The following FER variants were observed in gnomAD, a reference collection of about 807,000 sequenced individuals.
The protein encoded by FER is tyrosine-protein kinase Fer.
Under a neutral mutation model 111.0 loss-of-function variants are expected in FER, and 63 were observed. The observed-to-expected ratio is 0.57, with a 90% confidence interval of 0.46 to 0.70. The LOEUF is 0.70. FER is among the 30% of genes least tolerant of loss of function. FER has a pLI of 0.00. For missense variants in FER, 914 were observed against 954.0 expected, an observed-to-expected ratio of 0.96 and a Z score of 0.55; for synonymous variants, 327 against 313.9, an observed-to-expected ratio of 1.04 and a Z score of -0.44.
At chr5:108,931,962 T>TTGTG (rs571366890) in intron 10 of FER, among the ~76,000 whole-genome samples, 60 of 150,804 alleles carry the variant, frequency 4.0e-4, no homozygotes, top group African/African-American at 8.8e-4. Flanking sequence ...ATCTTAAATT[T>TTGTG]TGTGTGTGTG....
rs540790256 is a variant in FER, at chr5:108,832,702, A to G, written c.208-68A>G. ...TAAAACTAAATATTTAAAGTTTTGA[A>G]CTCTTAAAGCACAGCTAAATGGAAA... On this transcript the variant is annotated intron_variant, in intron 3 of 19. Transcript: ENST00000281092. 2.5e-4 allele frequency: 289 copies of G among 1,149,558 alleles called. 1 individual carries two copies. Among genetic ancestry groups the G allele is most frequent in the Admixed American group, 1.9e-3 (56 of 30,166 alleles). The allele number at this position is 1,149,558 out of a possible 1,614,324, so 71.2% of individuals were successfully genotyped here.
chr5:108,997,241 T>TTA (rs1554112110), intron 13 of FER, among the ~76,000 whole-genome samples: 8 of 133,264 alleles, frequency 6.0e-5, no homozygotes, highest in Non-Finnish European at 1.1e-4. Context: ...CCGTCTCTAC[T>TTA]AAAAAAAAAA....
chr5:109,146,868 C>T (rs1172060963), intron 17 of FER, among the ~76,000 whole-genome samples: 1 of 151,654 alleles, frequency 6.6e-6, no homozygotes, highest in African/African-American at 2.4e-5. Flanking sequence ...GGGAGAAAAT[C>T]CAAAGGAGAT....
At chr5:109,125,704 G>T (rs960544944) in intron 17 of FER, among the ~76,000 whole-genome samples, 1 of 152,220 alleles carries the variant, frequency 6.6e-6, no homozygotes, top group African/African-American at 2.4e-5. Context: ...TAAGGTAACA[G>T]AACTGGATTT....
At chr5:109,076,516 C>T (rs1776364151) in intron 16 of FER, among the ~76,000 whole-genome samples, 1 of 152,008 alleles carries the variant, frequency 6.6e-6, no homozygotes, top group Non-Finnish European at 1.5e-5. Context: ...TGCAACCTCT[C>T]CCTCCCTGGC....
At chr5:109,171,590 C>T (rs1757097644) in intron 17 of FER, among the ~76,000 whole-genome samples, 1 of 152,156 alleles carries the variant, frequency 6.6e-6, no homozygotes, top group African/African-American at 2.4e-5. Flanking sequence ...CTGTCTGTTG[C>T]TCAGGTAACT....
At chr5:109,140,972 C>T (rs1319602888) in intron 17 of FER, among the ~76,000 whole-genome samples, 2 of 152,118 alleles carry the variant, frequency 1.3e-5, no homozygotes, top group Non-Finnish European at 2.9e-5. Context: ...CACAGTAGCT[C>T]CTATTCTTCC....
chr5:109,100,489 T>A lies in FER; in HGVS notation c.2018T>A (p.Leu673Ter), dbSNP rs1351309171. 1 of 1,611,236 alleles carries A rather than the reference T, an allele frequency of 6.2e-7. No homozygotes were observed. The highest frequency in any genetic ancestry group is 1.7e-5 in the Admixed American group (1 of 59,868). Residue 673 changes from leucine (L) to a stop codon, truncating the protein, a stop_gained, in exon 17 of 20, where the codon TTG becomes TAG. Coordinates refer to ENST00000281092, the MANE Select transcript of FER (RefSeq NM_005246.4). LOFTEE classifies it high-confidence loss of function. ...TCATTAGACGCTGCTGCTGGTATGT[T>A]GTATCTCGAGAGTAAAAACTGTATA... The part of the protein sequence containing the change: ...KFSLDAAAGM[L>*]YLESKNCIHR...
At chr5:108,929,096 G>A (rs1014348234) in intron 10 of FER, among the ~76,000 whole-genome samples, 1 of 152,056 alleles carries the variant, frequency 6.6e-6, no homozygotes, top group Non-Finnish European at 1.5e-5. Context: ...TGGGAAAGAG[G>A]AAAAGTATGA....
At chr5:109,170,547 A>G (rs1177344317) in intron 17 of FER, among the ~76,000 whole-genome samples, 1 of 152,178 alleles carries the variant, frequency 6.6e-6, no homozygotes, top group Non-Finnish European at 1.5e-5. Context: ...ATACAAAGAC[A>G]TCTATGCCTC....
intron 10 of FER, among the ~76,000 whole-genome samples, chr5:108,911,600 T>A (rs2150359410): frequency 6.6e-6 from 1 of 152,286 alleles, no homozygotes; most frequent in African/African-American, 2.4e-5. Flanking sequence ...AGTTTCAGGT[T>A]TACGTTTGAG....
At position 108,835,914 on chromosome 5, in the gene FER, T is replaced by C. The variant is rs148543290; in HGVS notation, c.481+107T>C. The C allele has an allele frequency of 4.1e-4, 245 of 591,206 alleles. 1 individual carries two copies. In the East Asian group the frequency reaches 7.5e-3, roughly 18 times the overall value. The allele number at this position is 591,206 out of a possible 1,614,324, so 36.6% of individuals were successfully genotyped here. On this transcript the variant is annotated intron_variant, in intron 5 of 19. Transcript: ENST00000281092. Reference sequence around the variant, plus strand: ...GATTCCATTTAGAGCATTTCACATATAAAAAACTCAAAATAAACCCACATT... The same window carrying C: ...GATTCCATTTAGAGCATTTCACATACAAAAAACTCAAAATAAACCCACATT...
At chr5:108,997,357 G>A (rs1764125844) in intron 13 of FER, among the ~76,000 whole-genome samples, 1 of 150,084 alleles carries the variant, frequency 6.7e-6, no homozygotes, top group Non-Finnish European at 1.5e-5. Context: ...GGCAGAGCTT[G>A]CAGTGAGCGA....
intron 17 of FER, among the ~76,000 whole-genome samples, chr5:109,112,579 C>G (rs1349160324): frequency 6.6e-6 from 1 of 152,160 alleles, no homozygotes; most frequent in Non-Finnish European, 1.5e-5. Flanking sequence ...CTCTCACTCT[C>G]TCTTTCTTTT....
intron 17 of FER, among the ~76,000 whole-genome samples, chr5:109,121,236 T>C (rs1750928577): frequency 6.6e-6 from 1 of 152,154 alleles, no homozygotes; most frequent in African/African-American, 2.4e-5. Flanking sequence ...GGGTCTGTCA[T>C]GTATGGCTTT....
At chr5:108,984,737 T>C (rs1464777530) in intron 13 of FER, among the ~76,000 whole-genome samples, 3 of 152,092 alleles carry the variant, frequency 2.0e-5, no homozygotes, top group Admixed American at 6.6e-5. Context: ...ACAAAGGCTA[T>C]ATCAAAAATC....
chr5:109,172,496 A>AGGGGGGG (rs1757234243), intron 17 of FER, among the ~76,000 whole-genome samples: 4 of 35,646 alleles, frequency 1.1e-4, no homozygotes, highest in Non-Finnish European at 1.6e-4. Context: ...GGGTGGGGGG[A>AGGGGGGG]GGGGGGAGGG....
chr5:108,993,527 T>C (rs1763550609), intron 13 of FER, among the ~76,000 whole-genome samples: 1 of 143,416 alleles, frequency 7.0e-6, no homozygotes, highest in Non-Finnish European at 1.5e-5. Context: ...AGGGAGACTG[T>C]GGAAAGAGAG....
intron 13 of FER, among the ~76,000 whole-genome samples, chr5:108,992,149 C>T (rs980574098): frequency 3.9e-5 from 6 of 152,096 alleles, no homozygotes; most frequent in African/African-American, 1.2e-4. Context: ...TCCATTTAAC[C>T]CTGAGTGGAC....
Sources: gnomAD v4.1 joint callset for allele counts (sites outside exome capture counted in the v4.1 genomes callset) on GRCh38, gnomAD v4.1.1 for gene constraint, MANE v1.5 for transcripts, NCBI Gene and HGNC (gene_info 2026-07-23, HGNC 2026-07-21) for gene names.